The following PCDHA3 variants were observed in gnomAD, a reference collection of about 807,000 sequenced individuals.
The protein encoded by PCDHA3 is protocadherin alpha 3.
A neutral mutation model predicts 62.2 loss-of-function variants in PCDHA3; 41 were observed. That is an observed-to-expected ratio of 0.66 (90% CI 0.51 to 0.86). The LOEUF (loss-of-function observed/expected upper bound fraction) is 0.86, where lower values mean the gene tolerates loss of function less well. Among genes scored for constraint, PCDHA3 ranks in the 40% least tolerant of loss-of-function variants. The pLI is 0.00. For missense variants in PCDHA3, 1,304 were observed against 1,241.2 expected (o/e 1.05, Z -0.76); for synonymous variants, 640 against 555.4 (o/e 1.15, Z -2.14).
intron 1 of PCDHA3, chr5:140,929,236 A>C (rs782440521): frequency 3.1e-6 from 5 of 1,613,890 alleles, no homozygotes; most frequent in Non-Finnish European, 3.4e-6. Flanking sequence ...CGACCTGCGA[A>C]ATCTTGCCAC....
intron 1 of PCDHA3, chr5:140,882,775 C>T (rs1554175564): frequency 2.5e-6 from 4 of 1,614,220 alleles, no homozygotes; most frequent in East Asian, 4.5e-5. Flanking sequence ...CGGCATTGAC[C>T]TACCGACTGG....
At chr5:140,863,076 G>A (rs782126148) in intron 1 of PCDHA3, 19 of 569,916 alleles carry the variant, frequency 3.3e-5, no homozygotes, top group South Asian at 2.5e-4. Context: ...GGCTCTGCAC[G>A]GGCGAGATCA....
intron 1 of PCDHA3, chr5:140,824,141 T>A: frequency 1.2e-6 from 2 of 1,612,188 alleles, no homozygotes; most frequent in Non-Finnish European, 1.7e-6. Flanking sequence ...AGTTTTCTAA[T>A]ATTAACATCC....
chr5:140,881,555 A>G (rs2058748140), intron 1 of PCDHA3, among the ~76,000 whole-genome samples: 2 of 152,236 alleles, frequency 1.3e-5, no homozygotes, highest in South Asian at 2.1e-4. Context: ...TTGAATATAA[A>G]TATCTTATCT....
At chr5:140,832,971 T>C (rs115888961) in intron 1 of PCDHA3, among the ~76,000 whole-genome samples, 2,340 of 152,296 alleles carry the variant, frequency 0.015, 65 homozygotes, top group African/African-American at 0.053. Flanking sequence ...ATTCCAAATG[T>C]ACCTAGAAAT....
rs1378951068 is a variant in PCDHA3 at position 140,801,826 on chromosome 5, T to C, written c.629T>C (p.Leu210Ser). 1 of 1,614,154 alleles carries C rather than the reference T, an allele frequency of 6.2e-7. No individual in the cohort carries two copies. Among genetic ancestry groups the C allele is most frequent in the East Asian group, 2.2e-5 (1 of 44,886 alleles). The change falls in exon 1 of 4, where the codon TTA becomes TCA. Residue 210 changes from leucine to serine, a missense_variant. Leu to Ser is a moderately radical substitution (Grantham distance 145, BLOSUM62 -2). Coordinates refer to ENST00000522353, the MANE Select transcript of PCDHA3 (RefSeq NM_018906.3). ...CGAGAGGACACTCCTAAGCATTATTTACTAATAACAGCAATTGATGGTGGG... is the reference window on the plus strand; with the variant it reads ...CGAGAGGACACTCCTAAGCATTATTCACTAATAACAGCAATTGATGGTGGG... ...LNREDTPKHY[L>S]LITAIDGGKP...
In PCDHA3 at chr5:140,903,474, C is replaced by T. The variant is rs1257250947; in HGVS notation, c.2395-75475C>T. Among the ~76,000 whole-genome samples, 4 of 152,106 alleles carry T rather than the reference C, an allele frequency of 2.6e-5. No homozygotes were observed. In the East Asian group the frequency reaches 7.7e-4, roughly 29 times the overall value. The stretch of plus-strand genomic sequence containing the variant: ...ATCAAACTTAAAATATTATTCCTTG[C>T]ATTATAGTTCTGAGCAGGTACCATA... On this transcript the variant is annotated intron_variant, in intron 1 of 3. Transcript: ENST00000522353.
At chr5:140,844,393 C>A (rs1368832554) in intron 1 of PCDHA3, among the ~76,000 whole-genome samples, 1 of 149,238 alleles carries the variant, frequency 6.7e-6, no homozygotes. Context: ...ATTATTTAGA[C>A]CATTTTACCA....
chr5:140,968,095 TGGG>T (rs1554230332), intron 1 of PCDHA3: 1 of 1,613,884 alleles, frequency 6.2e-7, no homozygotes, highest in African/African-American at 1.3e-5. Flanking sequence ...CAGCCACAGA[TGGG>T]GGAATACCGC....
At position 140,875,445 on chromosome 5, in the gene PCDHA3, C is replaced by G; in HGVS notation, c.2394+71854C>G. The G allele has an allele frequency of 2.5e-6, 4 of 1,582,278 alleles. No individual in the cohort carries two copies. The South Asian group carries it at 3.5e-5, about 14-fold the overall frequency. On this transcript the variant is annotated intron_variant, in intron 1 of 3. Transcript: ENST00000522353. Reference sequence around the variant, plus strand: ...CAAGCGATCCCTTAAAACTGATTGTCCCAACTCAGAGGCCCTCATTTTCTG... The same window carrying G: ...CAAGCGATCCCTTAAAACTGATTGTGCCAACTCAGAGGCCCTCATTTTCTG...
At chr5:140,979,078 A>G (rs2240296) in intron 2 of PCDHA3, 71 bp downstream of exon 2, 2 of 1,583,496 alleles carry the variant, frequency 1.3e-6, no homozygotes, top group East Asian at 4.5e-5. Flanking sequence ...CTGCATCTCC[A>G]TAGGCCAGAA....
intron 1 of PCDHA3, chr5:140,809,533 A>T: frequency 6.2e-7 from 1 of 1,613,948 alleles, no homozygotes; most frequent in Non-Finnish European, 8.5e-7. Flanking sequence ...CTAGGGACAG[A>T]GAAGATCAGC....
At chr5:140,875,221 A>G (rs2055359390) in intron 1 of PCDHA3, 3 of 759,332 alleles carry the variant, frequency 4.0e-6, no homozygotes, top group South Asian at 3.3e-5. Flanking sequence ...AAAGAACCTC[A>G]GGATCTTTCT....
rs1486746921 is a variant in PCDHA3 at position 141,009,728 on chromosome 5, G to A, written c.2644G>A (p.Gly882Ser). Residue 882 changes from glycine (G) to serine (S), a missense_variant, in exon 4 of 4, where the codon GGT becomes AGT. Gly to Ser is a moderately conservative substitution (Grantham distance 56). Coordinates refer to ENST00000522353, the MANE Select transcript of PCDHA3 (RefSeq NM_018906.3). The part of the protein sequence containing the change: ...GPGNPKQSGP[G>S]ELPDKFIIPG... ...AGGCAACCCCAAACAATCCGGTCCC[G>A]GTGAGTTGCCCGACAAATTCATTAT... The A allele has an allele frequency of 3.1e-6, 5 of 1,613,998 alleles. No homozygotes were observed. The highest frequency in any genetic ancestry group is 2.2e-5 in the East Asian group (1 of 44,874).
At chr5:140,946,097 C>T (rs1452170851) in intron 1 of PCDHA3, among the ~76,000 whole-genome samples, 1 of 151,826 alleles carries the variant, frequency 6.6e-6, no homozygotes, top group Admixed American at 6.6e-5. Context: ...AAGGAGTTAA[C>T]ATACCAAATA....
chr5:140,866,304 A>G (rs898524631), intron 1 of PCDHA3: 16 of 152,138 alleles, frequency 1.1e-4, no homozygotes, highest in African/African-American at 3.6e-4. Flanking sequence ...AGATGTTGAT[A>G]TTATTATTTC....
Position 140,830,125 on chromosome 5 carries a change from G to C in PCDHA3, c.2394+26534G>C, listed in dbSNP as rs2150181468. ...TGGAGAGTGGCCAGGCTCCAAAGGC[G>C]TCATCACGGGCGTCGGTGGGCGCCG... On this transcript the variant is annotated intron_variant, in intron 1 of 3. Coordinates refer to ENST00000522353, the MANE Select transcript of PCDHA3 (RefSeq NM_018906.3). 3.9e-5 allele frequency: 63 copies of C among 1,613,452 alleles called. No individual in the cohort carries two copies. In the South Asian group the frequency reaches 6.7e-4, roughly 17 times the overall value.
At chr5:140,835,560 G>C in intron 1 of PCDHA3, 1 of 1,613,902 alleles carries the variant, frequency 6.2e-7, no homozygotes. Context: ...GACGCCCCGC[G>C]TTCCCTTCAA....
chr5:140,823,265 G>C (rs2150124128), intron 1 of PCDHA3: 1 of 1,612,922 alleles, frequency 6.2e-7, no homozygotes, highest in Admixed American at 1.7e-5. Flanking sequence ...GTGGAGCGGC[G>C]GGTGGGCGAG....
Sources: gnomAD v4.1 joint callset for allele counts (sites outside exome capture counted in the v4.1 genomes callset) on GRCh38, gnomAD v4.1.1 for gene constraint, MANE v1.5 for transcripts, NCBI Gene and HGNC (gene_info 2026-07-23, HGNC 2026-07-21) for gene names.